The following PTPRD variants were observed in gnomAD, a reference collection of about 807,000 sequenced individuals.
PTPRD encodes the protein receptor-type tyrosine-protein phosphatase delta.
A neutral mutation model predicts 214.5 loss-of-function variants in PTPRD; 34 were observed. The observed-to-expected ratio is 0.16, with a 90% CI of 0.12 to 0.21. The LOEUF (loss-of-function observed/expected upper bound fraction) is 0.21, where lower values mean the gene tolerates loss of function less well. Ranked by LOEUF, PTPRD falls within the 10% of genes least tolerant of loss-of-function variation. The probability of loss-of-function intolerance (pLI) is 1.00; values close to 1 mark genes in which losing one functional copy is unlikely to be tolerated. For missense variants in PTPRD, 2,545 were observed against 2,398.7 expected, an observed-to-expected ratio of 1.06 and a Z score of -1.27; for synonymous variants, 1,128 against 845.7, an observed-to-expected ratio of 1.33 and a Z score of -5.79.
intron 8 of PTPRD, among the ~76,000 whole-genome samples, chr9:9,441,163 A>T (rs544020014): frequency 6.6e-6 from 1 of 152,264 alleles, no homozygotes; most frequent in South Asian, 2.1e-4. Context: ...GATACCAAAG[A>T]TGCTATCAAC....
intron 3 of PTPRD, among the ~76,000 whole-genome samples, chr9:10,288,062 G>T (rs1422234386): frequency 1.3e-5 from 2 of 149,172 alleles, no homozygotes; most frequent in Admixed American, 1.4e-4. Flanking sequence ...AATCAATTAA[G>T]AATTCAAAAA....
In PTPRD at chr9:9,498,066, T is replaced by C. The variant is rs191917933; in HGVS notation, c.-237+76666A>G. Among the ~76,000 whole-genome samples the C allele has an allele frequency of 4.2e-4, 64 of 152,282 alleles. 1 individual carries two copies. In the East Asian group the frequency reaches 9.3e-3, roughly 22 times the overall value. ...TCAAAGGGATCTTTAAGTGTTTTAA[T>C]TGGAATCCATGAAGGAGCCAGGAAG... On this transcript the variant is annotated intron_variant, in intron 8 of 45. Transcript: ENST00000381196.
At chr9:9,543,182 G>A (rs531357801) in intron 8 of PTPRD, among the ~76,000 whole-genome samples, 202 of 151,746 alleles carry the variant, frequency 1.3e-3, no homozygotes, top group African/African-American at 4.4e-3. Context: ...ATTTTGTTGA[G>A]CAAAATAAAA....
At chr9:8,641,201 A>G (rs777899434) in intron 12 of PTPRD, among the ~76,000 whole-genome samples, 1 of 148,520 alleles carries the variant, frequency 6.7e-6, no homozygotes, top group Non-Finnish European at 1.5e-5. Flanking sequence ...GCATAAAACA[A>G]GGGTATCTAC....
chr9:8,781,457 A>G (rs1549999), intron 11 of PTPRD, among the ~76,000 whole-genome samples: 34,339 of 152,126 alleles, frequency 0.23, 4,315 homozygotes, highest in African/African-American at 0.34. Context: ...CCTAGCTGAG[A>G]AAAAGATATG....
intron 9 of PTPRD, among the ~76,000 whole-genome samples, chr9:9,233,195 TCA>T (rs2099964246): frequency 6.6e-6 from 1 of 152,076 alleles, no homozygotes; most frequent in African/African-American, 2.4e-5. Context: ...CTCAGGAAAC[TCA>T]CAGTCATGGC....
intron 7 of PTPRD, among the ~76,000 whole-genome samples, chr9:9,640,362 G>A (rs1417295097): frequency 6.6e-6 from 1 of 152,134 alleles, no homozygotes; most frequent in South Asian, 2.1e-4. Context: ...ATGCATTTAG[G>A]GAGAGACCCT....
chr9:8,337,106 C>A (rs1406393636), intron 43 of PTPRD, among the ~76,000 whole-genome samples: 1 of 152,052 alleles, frequency 6.6e-6, no homozygotes, highest in Non-Finnish European at 1.5e-5. Context: ...GAGTGTATAC[C>A]CAAAGGATTA....
intron 5 of PTPRD, among the ~76,000 whole-genome samples, chr9:9,912,292 T>G (rs1792419265): frequency 6.6e-6 from 1 of 152,204 alleles, no homozygotes; most frequent in Admixed American, 6.5e-5. Context: ...TCATTTGTTC[T>G]GAGTTGGAAT....
intron 3 of PTPRD, among the ~76,000 whole-genome samples, chr9:10,219,947 T>C (rs549844631): frequency 6.6e-6 from 1 of 151,764 alleles, no homozygotes; most frequent in Non-Finnish European, 1.5e-5. Context: ...ACAATCTGGA[T>C]AGGAGTATGA....
intron 5 of PTPRD, among the ~76,000 whole-genome samples, chr9:9,916,638 C>A (rs1470442715): frequency 6.6e-6 from 1 of 151,688 alleles, no homozygotes; most frequent in Non-Finnish European, 1.5e-5. Flanking sequence ...ATGTTCTGTG[C>A]AAACAGAAAC....
rs111896726 is a variant in PTPRD, at chr9:8,465,625, T to C, written c.3555A>G (p.Glu1185=). The change falls in exon 32 of 46, where the codon GAA becomes GAG. Residue 1185 remains glutamate (E), a synonymous_variant. Coordinates refer to ENST00000381196, the MANE Select transcript of PTPRD (RefSeq NM_002839.4). ...RKRRSIRYGR[E]VELKPYIAAH... Reference sequence around the variant, plus strand: ...CGGCAATATATGGCTTTAATTCAACTTCTCTCCCATAACGGATGCTTCTGC... The same window carrying C: ...CGGCAATATATGGCTTTAATTCAACCTCTCTCCCATAACGGATGCTTCTGC... The C allele has an allele frequency of 5.0e-6, 8 of 1,612,302 alleles. No homozygotes were observed. The African/African-American group carries it at 6.7e-5, about 13-fold the overall frequency.
At chr9:8,594,671 G>A (rs575596006) in intron 14 of PTPRD, among the ~76,000 whole-genome samples, 7 of 151,876 alleles carry the variant, frequency 4.6e-5, no homozygotes, top group East Asian at 3.9e-4. Flanking sequence ...TCCTTCCGAC[G>A]CTCTCGCTCT....
intron 11 of PTPRD, among the ~76,000 whole-genome samples, chr9:8,825,482 T>A (rs1389573964): frequency 2.0e-5 from 3 of 152,188 alleles, no homozygotes; most frequent in Non-Finnish European, 1.5e-5. Flanking sequence ...TCTAAATTTT[T>A]TTATAGGAGT....
At position 8,470,929 on chromosome 9, in the gene PTPRD, G is replaced by T. The variant is rs551551177; in HGVS notation, c.3504+66C>A. The T allele has an allele frequency of 8.1e-4, 1,145 of 1,421,364 alleles. 3 individuals carry two copies. The highest frequency in any genetic ancestry group is 1.1e-3 in the Non-Finnish European group (1,074 of 1,011,574). The allele number at this position is 1,421,364 out of a possible 1,614,324, so 88.0% of individuals were successfully genotyped here. A position where few individuals can be genotyped will look rare whatever the true frequency, so the allele number is the denominator to read the frequency against. ...ATTAGATCCTGAAAGGCCTCCAAGG[G>T]AGGGGGGCGGAAATGCAGCAGATTA... On this transcript the variant is annotated intron_variant, in intron 31 of 45. Coordinates refer to ENST00000381196, the MANE Select transcript of PTPRD (RefSeq NM_002839.4).
chr9:10,564,342 A>T lies in PTPRD; in HGVS notation c.-600+48056T>A, dbSNP rs1443788934. Among the ~76,000 whole-genome samples, 3 of 149,738 alleles carry T rather than the reference A, an allele frequency of 2.0e-5. No individual in the cohort carries two copies. The East Asian group carries it at 5.9e-4, about 29-fold the overall frequency. On this transcript the variant is annotated intron_variant, in intron 2 of 45. Transcript: ENST00000381196. ...ATATCCGAATTTTAAAATAGACGAA[A>T]CCGTTTTCCAGTGAACTATATTTTC...
Position 8,645,651 on chromosome 9 carries a change from G to A in PTPRD, c.65-8807C>T, listed in dbSNP as rs138688470. On this transcript the variant is annotated intron_variant, in intron 12 of 45. Transcript: ENST00000381196. ...ACAGACAGGAACAGAAAAGGAGAGAGAAGAAGAAAGGGAAGGAAGAAATGA... is the reference window on the plus strand; with the variant it reads ...ACAGACAGGAACAGAAAAGGAGAGAAAAGAAGAAAGGGAAGGAAGAAATGA... Among the ~76,000 whole-genome samples, 338 of 152,138 alleles carry A rather than the reference G, an allele frequency of 2.2e-3. 1 individual carries two copies. Among genetic ancestry groups the A allele is most frequent in the African/African-American group, 7.9e-3 (326 of 41,488 alleles).
intron 2 of PTPRD, among the ~76,000 whole-genome samples, chr9:10,393,699 A>T (rs562670967): frequency 2.0e-5 from 3 of 146,634 alleles, no homozygotes; most frequent in Admixed American, 6.9e-5. Context: ...TATATATATA[A>T]TATATATAAT....
At chr9:8,513,485 T>C (rs763626681) in intron 21 of PTPRD, among the ~76,000 whole-genome samples, 3 of 152,036 alleles carry the variant, frequency 2.0e-5, no homozygotes, top group African/African-American at 4.8e-5. Flanking sequence ...TGAAAGATAA[T>C]AAAATTAAAT....
Sources: allele counts gnomAD v4.1 joint callset (sites outside exome capture counted in the v4.1 genomes callset), GRCh38; gene constraint gnomAD v4.1.1; transcripts MANE v1.5; gene names NCBI Gene and HGNC (gene_info 2026-07-23, HGNC 2026-07-21).